The following ZNF823 variants were observed in gnomAD, a reference collection of about 807,000 sequenced individuals.
ZNF823 encodes the protein ZFP 36 for a zinc finger protein.
A neutral mutation model predicts 11.4 loss-of-function variants in ZNF823; 5 were observed. The ratio of observed to expected loss-of-function variants is 0.44; its 90% CI spans 0.23 to 0.92. ZNF823 has a LOEUF of 0.92. Among genes scored for constraint, ZNF823 ranks in the 40% least tolerant of loss-of-function variants. The pLI, the probability that ZNF823 is intolerant of heterozygous loss-of-function variation, is 0.24. For synonymous variants in ZNF823, 234 were observed against 250.5 expected (o/e 0.93, Z 0.62); for missense variants, 582 against 738.5 (o/e 0.79, Z 2.46).
At chr19:11,736,857 G>A (rs999158191) in intron 1 of ZNF823, among the ~76,000 whole-genome samples, 3 of 152,070 alleles carry the variant, frequency 2.0e-5, no homozygotes, top group South Asian at 2.1e-4. Flanking sequence ...CCTCAATACC[G>A]CCAACCAGCT....
In ZNF823 at chr19:11,722,180, A is replaced by G; in HGVS notation, c.1354T>C (p.Phe452Leu). Residue 452 changes from phenylalanine to leucine, a missense_variant, in exon 4 of 4, where the codon TTT becomes CTT. Phe to Leu is a conservative substitution (Grantham distance 22, BLOSUM62 0). Coordinates refer to ENST00000341191, the MANE Select transcript of ZNF823 (RefSeq NM_001080493.4). The surrounding 1 kb of genome is among the most constrained non-coding windows in gnomAD (Gnocchi z 5.2). ...TTTTGAAAGGAAGAGAGATCACTAA[A>G]GGCTTTCCCACACTGACATTTATAG... ...KPYKCQCGKA[F>L]SDLSSFQNHE... The G allele has an allele frequency of 6.2e-7, 1 of 1,614,138 alleles. No homozygotes were observed. The highest frequency in any genetic ancestry group is 8.5e-7 in the Non-Finnish European group (1 of 1,180,008).
At chr19:11,725,161 G>A (rs1974768046) in intron 2 of ZNF823, 40 bp downstream of exon 2, 1 of 1,599,604 alleles carries the variant, frequency 6.3e-7, no homozygotes, top group African/African-American at 1.3e-5. Flanking sequence ...GGAAACAAAT[G>A]TCTCTAATTG....
intron 1 of ZNF823, among the ~76,000 whole-genome samples, chr19:11,728,219 G>T (rs1161668362): frequency 1.3e-5 from 2 of 151,970 alleles, no homozygotes; most frequent in Non-Finnish European, 2.9e-5. Flanking sequence ...ACCCAATCAG[G>T]GTCAAACATG....
chr19:11,734,129 G>A (rs1005692130), intron 1 of ZNF823, among the ~76,000 whole-genome samples: 4 of 151,872 alleles, frequency 2.6e-5, no homozygotes, highest in Non-Finnish European at 4.4e-5. Flanking sequence ...CAGCTACTGG[G>A]GAGGCTGAGG....
At chr19:11,725,883 AC>A (rs1974780058) in intron 1 of ZNF823, 1 of 153,580 alleles carries the variant, frequency 6.5e-6, no homozygotes, top group African/African-American at 2.4e-5. Context: ...TCACTTAAGA[AC>A]AGGAGTTTAG....
intron 1 of ZNF823, among the ~76,000 whole-genome samples, chr19:11,737,302 T>C (rs1474326829): frequency 6.6e-6 from 1 of 152,188 alleles, no homozygotes; most frequent in Non-Finnish European, 1.5e-5. Context: ...TCACTCTTGT[T>C]GCCCAGGCTG....
intron 2 of ZNF823, among the ~76,000 whole-genome samples, 193 bp from the exon 3 acceptor site, chr19:11,724,447 A>C (rs1974752854): frequency 6.6e-6 from 1 of 152,174 alleles, no homozygotes; most frequent in South Asian, 2.1e-4. Context: ...CTGGGACAGC[A>C]AGACCAACCC....
chr19:11,734,109 C>G (rs191497301), intron 1 of ZNF823, among the ~76,000 whole-genome samples: 1 of 151,858 alleles, frequency 6.6e-6, no homozygotes, highest in African/African-American at 2.4e-5. Context: ...GTGGTGCATG[C>G]CTGTAGTCCC....
At chr19:11,729,561 T>C (rs898321046) in intron 1 of ZNF823, among the ~76,000 whole-genome samples, 2 of 152,258 alleles carry the variant, frequency 1.3e-5, no homozygotes, top group African/African-American at 4.8e-5. Flanking sequence ...CTCTTCTTTC[T>C]GGGATCTCTA....
At chr19:11,738,003 A>G (rs984975093) in intron 1 of ZNF823, among the ~76,000 whole-genome samples, 3 of 151,906 alleles carry the variant, frequency 2.0e-5, no homozygotes, top group African/African-American at 7.3e-5. Context: ...CTGCCTGGTG[A>G]CCCTCCGTTG....
At chr19:11,738,626 C>G (rs1975039884) in intron 1 of ZNF823, among the ~76,000 whole-genome samples, 191 bp downstream of exon 1, 1 of 152,230 alleles carries the variant, frequency 6.6e-6, no homozygotes, top group African/African-American at 2.4e-5. Flanking sequence ...GGACAGGACG[C>G]CCGGGGTCCC....
chr19:11,730,821 C>T (rs1270143160), intron 1 of ZNF823: 2 of 151,982 alleles, frequency 1.3e-5, no homozygotes, highest in African/African-American at 2.4e-5. Flanking sequence ...CACATTTCCC[C>T]CTATATGTAC....
At chr19:11,732,187 T>C (rs139955831) in intron 1 of ZNF823, among the ~76,000 whole-genome samples, 11,250 of 148,250 alleles carry the variant, frequency 0.076, 1,009 homozygotes, top group African/African-American at 0.21. Context: ...TTTTTTGAGA[T>C]GGAGTCTCGC....
chr19:11,723,808 G>T (rs1974740766), intron 3 of ZNF823, among the ~76,000 whole-genome samples: 1 of 152,222 alleles, frequency 6.6e-6, no homozygotes, highest in Admixed American at 6.5e-5. Context: ...GCCTCCTAAA[G>T]TGCTGGGATT....
chr19:11,725,119 A>G, intron 2 of ZNF823, 82 bp downstream of exon 2: 2 of 1,535,178 alleles, frequency 1.3e-6, no homozygotes, highest in Non-Finnish European at 1.8e-6. Flanking sequence ...TCCTCTTTCC[A>G]TATTTCAAAT....
At chr19:11,727,423 T>C (rs540175135) in intron 1 of ZNF823, among the ~76,000 whole-genome samples, 1 of 151,892 alleles carries the variant, frequency 6.6e-6, no homozygotes, top group African/African-American at 2.4e-5. Flanking sequence ...GGCAGGAGAA[T>C]CGCTTGAACC....
rs373921288 is a variant in ZNF823, at chr19:11,723,058, G to A, written c.476C>T (p.Thr159Ile). 43 of 1,614,172 alleles carry A rather than the reference G, an allele frequency of 2.7e-5. No homozygotes were observed. The African/African-American group carries it at 5.6e-4, about 21-fold the overall frequency. ...TTTACAATCGAAGGGTTTCTTTCCG[G>A]TGGGGGGCCTTTCATGTGTCTGGAA... Reference protein sequence around the residue: ...HSFQTHERPPTGKKPFDCKEC... With the variant: ...HSFQTHERPPIGKKPFDCKEC... The change falls in exon 4 of 4, where the codon ACC (threonine) becomes ATC (isoleucine). Residue 159 changes from threonine (T) to isoleucine (I), a missense_variant. Coordinates refer to ENST00000341191, the MANE Select transcript of ZNF823 (RefSeq NM_001080493.4).
intron 1 of ZNF823, among the ~76,000 whole-genome samples, chr19:11,727,190 TAA>T (rs1357304381): frequency 2.0e-5 from 3 of 152,044 alleles, no homozygotes; most frequent in Non-Finnish European, 4.4e-5. Context: ...CCAAATCTAA[TAA>T]AAGTCACAAA....
rs1555766612 is a variant in ZNF823 at position 11,726,287 on chromosome 19, C to CATATACATATATATATATAT, written c.4-961_4-960insATATATATATATATGTATAT. 7.2e-4 allele frequency among the ~76,000 whole-genome samples: 81 copies of CATATACATATATATATATAT among 112,240 alleles called. 1 individual carries two copies. Among genetic ancestry groups the CATATACATATATATATATAT allele is most frequent in the South Asian group, 4.7e-3 (15 of 3,176 alleles). The allele number at this position is 112,240 out of a possible 152,430, so 73.6% of individuals were successfully genotyped here. On this transcript the variant is annotated intron_variant, in intron 1 of 3. Coordinates refer to ENST00000341191, the MANE Select transcript of ZNF823 (RefSeq NM_001080493.4). ...AGTAAAAAACAAAAAATAAAAAATA[C>CATATACATATATATATATAT]ATATATATATATATATATATAAATT...
Sources: gnomAD v4.1 joint callset for allele counts (sites outside exome capture counted in the v4.1 genomes callset) on GRCh38, gnomAD v4.1.1 for gene constraint, Gnocchi (gnomAD v3.1) non-coding constraint, MANE v1.5 for transcripts, NCBI Gene and HGNC (gene_info 2026-07-23, HGNC 2026-07-21) for gene names.